The following BCL9 variants were observed in gnomAD, a reference collection of about 807,000 sequenced individuals.
The protein encoded by BCL9 is B-cell CLL/lymphoma 9 protein.
Under a neutral mutation model 88.5 loss-of-function variants are expected in BCL9, and 25 were observed. The ratio of observed to expected loss-of-function variants is 0.28; its 90% CI spans 0.21 to 0.39. The LOEUF is 0.39. Among genes scored for constraint, BCL9 ranks in the 10% least tolerant of loss-of-function variants. BCL9 has a pLI of 1.00. For missense variants in BCL9, 1,817 were observed against 1,877.8 expected (o/e 0.97, Z 0.60); for synonymous variants, 711 against 673.3 (o/e 1.06, Z -0.87).
intron 1 of BCL9, among the ~76,000 whole-genome samples, chr1:147,578,749 A>T (rs782108734): frequency 1.3e-5 from 2 of 152,052 alleles, no homozygotes; most frequent in African/African-American, 2.4e-5. Context: ...TTCTGTGCAC[A>T]TGGTTTGTGT....
At chr1:147,611,047 C>G (rs1401065282) in intron 3 of BCL9, among the ~76,000 whole-genome samples, 1 of 152,088 alleles carries the variant, frequency 6.6e-6, no homozygotes, top group Non-Finnish European at 1.5e-5. Context: ...TTCAGAAGTA[C>G]CTCCTTTAAA....
At chr1:147,553,048 A>G (rs1276542640) in intron 1 of BCL9, among the ~76,000 whole-genome samples, 1 of 152,094 alleles carries the variant, frequency 6.6e-6, no homozygotes, top group Non-Finnish European at 1.5e-5. Context: ...CTAATTTAAA[A>G]CATTCTGCCT....
chr1:147,613,238 G>T, intron 5 of BCL9, 39 bp downstream of exon 5: 1 of 1,609,132 alleles, frequency 6.2e-7, no homozygotes, highest in Admixed American at 1.7e-5. Context: ...AGGGAAGTAG[G>T]TGTTCCTGAG....
At chr1:147,571,671 G>C (rs1655893907) in intron 1 of BCL9, among the ~76,000 whole-genome samples, 1 of 152,166 alleles carries the variant, frequency 6.6e-6, no homozygotes, top group Non-Finnish European at 1.5e-5. Flanking sequence ...AAATCAGAGA[G>C]AGGAAATGGC....
intron 1 of BCL9, among the ~76,000 whole-genome samples, chr1:147,589,096 A>C (rs1176484765): frequency 6.6e-6 from 1 of 152,084 alleles, no homozygotes; most frequent in East Asian, 1.9e-4. Context: ...GCAAACCATC[A>C]TCCCTGTCCC....
chr1:147,578,108 G>A (rs782354410), intron 1 of BCL9, among the ~76,000 whole-genome samples: 8 of 152,036 alleles, frequency 5.3e-5, no homozygotes, highest in Non-Finnish European at 1.2e-4. Context: ...TTGCCATCAC[G>A]GCATTTCCAA....
chr1:147,590,264 C>T (rs1200612252), intron 1 of BCL9, among the ~76,000 whole-genome samples: 1 of 152,170 alleles, frequency 6.6e-6, no homozygotes, highest in Non-Finnish European at 1.5e-5. Context: ...TGCTTTCCAC[C>T]AATTTTATGG....
chr1:147,607,145 A>C (rs957913392), intron 3 of BCL9, among the ~76,000 whole-genome samples: 2 of 152,250 alleles, frequency 1.3e-5, no homozygotes, highest in Non-Finnish European at 2.9e-5. Context: ...GTTCATGTAC[A>C]TTGTTGCAGA....
At chr1:147,565,111 C>G (rs1443644021) in intron 1 of BCL9, among the ~76,000 whole-genome samples, 7 of 152,118 alleles carry the variant, frequency 4.6e-5, no homozygotes, top group Non-Finnish European at 1.5e-5. Context: ...CTTTCTCTCC[C>G]AACTTTAGCC....
intron 1 of BCL9, among the ~76,000 whole-genome samples, chr1:147,547,550 GA>G (rs34559192): frequency 6.6e-6 from 1 of 151,960 alleles, no homozygotes; most frequent in Non-Finnish European, 1.5e-5. Context: ...TTCTCATCTG[GA>G]AAAAAATAGT....
rs1553205574 is a variant in BCL9, at chr1:147,622,403, G to C, written c.3035G>C (p.Arg1012Pro). ...SQNPLSIMMS[R>P]MSKFAMPSST... ...AACCCACTCTCTATTATGATGTCTC[G>C]AATGTCCAAGTTTGCAATGCCCAGT... The change falls in exon 9 of 10, where the codon CGA (arginine) becomes CCA (proline). Residue 1012 changes from arginine (R) to proline (P), a missense_variant. Physicochemically the swap from Arg to Pro is moderately radical, Grantham distance 103. This residue lies in a region of BCL9 where 589 missense variants were observed against 686.2 expected (regional missense o/e 0.86). Transcript: ENST00000234739. 1 of 1,614,042 alleles carries C rather than the reference G, an allele frequency of 6.2e-7. No individual in the cohort carries two copies.
At chr1:147,551,956 G>T (rs1347666249) in intron 1 of BCL9, among the ~76,000 whole-genome samples, 1 of 152,204 alleles carries the variant, frequency 6.6e-6, no homozygotes. Flanking sequence ...ATAAATATCT[G>T]TTGTATGTCA....
chr1:147,576,361 C>T (rs74923026), intron 1 of BCL9, among the ~76,000 whole-genome samples: 6,720 of 152,196 alleles, frequency 0.044, 192 homozygotes, highest in Middle Eastern at 0.13. Context: ...TCTATGCATA[C>T]GCAAATATAT....
rs782349883 is a variant in BCL9 at position 147,615,874 on chromosome 1, A to G, written c.632A>G (p.Asn211Ser). The change falls in exon 7 of 10, where the codon AAC (asparagine) becomes AGC (serine). Residue 211 changes from asparagine (N) to serine (S), a missense_variant. Asn to Ser is a conservative substitution (Grantham distance 46). Coordinates refer to ENST00000234739, the MANE Select transcript of BCL9 (RefSeq NM_004326.4). ...TTCCACATCCAGAACATTTCTAACA[A>G]CAAGACAGAGAGAAGCACAGCGCCT... ...VSFHIQNISN[N>S]KTERSTAPLN... 9 of 1,614,140 alleles carry G rather than the reference A, an allele frequency of 5.6e-6. No homozygotes were observed. The highest frequency in any genetic ancestry group is 5.0e-5 in the Admixed American group (3 of 60,028).
chr1:147,567,719 G>A (rs2101519728), intron 1 of BCL9, among the ~76,000 whole-genome samples: 1 of 152,280 alleles, frequency 6.6e-6, no homozygotes, highest in Non-Finnish European at 1.5e-5. Flanking sequence ...GTGAAAGCAA[G>A]TAGTGTTCCT....
chr1:147,619,652 CATG>C lies in BCL9; in HGVS notation c.1501_1503del (p.Met501del). On this transcript the variant is annotated inframe_deletion, in exon 8 of 10. Coordinates refer to ENST00000234739, the MANE Select transcript of BCL9 (RefSeq NM_004326.4). This position sits in a 1 kb window ranked among gnomAD's most constrained non-coding sequence, Gnocchi z 4.1. ...TTGTCCAGCAGTGTTCCCTCCAGGACATGATGGTCCATCAGCACGGGCCTCGGG... is the reference window on the plus strand; with the variant it reads ...TTGTCCAGCAGTGTTCCCTCCAGGACATGGTCCATCAGCACGGGCCTCGGG... 1 of 1,614,110 alleles carries C rather than the reference CATG, an allele frequency of 6.2e-7. No homozygotes were observed. Among genetic ancestry groups the C allele is most frequent in the South Asian group, 1.1e-5 (1 of 91,080 alleles).
intron 3 of BCL9, among the ~76,000 whole-genome samples, chr1:147,610,891 T>A (rs1047984953): frequency 6.6e-6 from 1 of 152,232 alleles, no homozygotes; most frequent in African/African-American, 2.4e-5. Context: ...TTCAGAATTA[T>A]GGATCATTCC....
At chr1:147,542,392 T>A (rs1478492411) in intron 1 of BCL9, among the ~76,000 whole-genome samples, 1 of 152,178 alleles carries the variant, frequency 6.6e-6, no homozygotes, top group East Asian at 1.9e-4. Flanking sequence ...AATTTCCCCA[T>A]CTGTAAAATC....
intron 1 of BCL9, among the ~76,000 whole-genome samples, chr1:147,600,772 C>T (rs1030202092): frequency 3.5e-4 from 31 of 88,666 alleles, no homozygotes; most frequent in Non-Finnish European, 5.3e-4. Flanking sequence ...ACTTTGCAGG[C>T]CAGTGACTTG....
Sources: allele counts gnomAD v4.1 joint callset (sites outside exome capture counted in the v4.1 genomes callset), GRCh38; gene constraint gnomAD v4.1.1; regional missense constraint gnomAD v4.1.1; non-coding constraint Gnocchi (gnomAD v3.1); transcripts MANE v1.5; gene names NCBI Gene and HGNC (gene_info 2026-07-23, HGNC 2026-07-21).